The following PAIP2B variants were observed in gnomAD, a reference collection of about 807,000 sequenced individuals.
PAIP2B encodes the protein polyadenylate-binding protein-interacting protein 2B.
PAIP2B carries 13 observed loss-of-function variants against 17.0 expected under a neutral mutation model. The ratio of observed to expected loss-of-function variants is 0.76; its 90% CI spans 0.50 to 1.22. PAIP2B has a LOEUF of 1.22. Ranked by LOEUF, PAIP2B falls within the 50% of genes most tolerant of loss-of-function variation. The pLI, the probability that PAIP2B is intolerant of heterozygous loss-of-function variation, is 0.00. For synonymous variants in PAIP2B, 43 were observed against 48.7 expected (o/e 0.88, Z 0.48); for missense variants, 117 against 144.5 (o/e 0.81, Z 0.98).
intron 2 of PAIP2B, among the ~76,000 whole-genome samples, chr2:71,193,820 G>A (rs1307148780): frequency 6.6e-6 from 1 of 151,616 alleles, no homozygotes; most frequent in Non-Finnish European, 1.5e-5. Context: ...CTGGGCTACA[G>A]AGCAAGACTC....
rs1674478050 is a variant in PAIP2B, at chr2:71,184,379, G to C, written c.*4100C>G. The C allele has an allele frequency of 6.6e-6, 1 of 152,206 alleles. No individual in the cohort carries two copies. The highest frequency in any genetic ancestry group is 2.4e-5 in the African/African-American group (1 of 41,528). The allele number at this position is 152,206 out of a possible 1,614,324, so 9.4% of individuals were successfully genotyped here. On this transcript the variant is annotated 3_prime_UTR_variant, in exon 4 of 4. Transcript: ENST00000244221. ...GTGTATCCAGCTATTCTATTGCCACGATGCCTCTAAAAACCAGACTGACTG... is the reference window on the plus strand; with the variant it reads ...GTGTATCCAGCTATTCTATTGCCACCATGCCTCTAAAAACCAGACTGACTG...
At chr2:71,194,513 C>T (rs1674768859) in intron 2 of PAIP2B, among the ~76,000 whole-genome samples, 2 of 148,268 alleles carry the variant, frequency 1.3e-5, no homozygotes, top group African/African-American at 5.0e-5. Flanking sequence ...AATGGGATTG[C>T]CTTTCTGATT....
At chr2:71,213,157 G>C (rs1340797167) in intron 1 of PAIP2B, among the ~76,000 whole-genome samples, 1 of 152,070 alleles carries the variant, frequency 6.6e-6, no homozygotes, top group Non-Finnish European at 1.5e-5. Flanking sequence ...TTTACGAGCT[G>C]TATAATAAGA....
chr2:71,212,935 T>A (rs942273141), intron 1 of PAIP2B, among the ~76,000 whole-genome samples: 2 of 139,522 alleles, frequency 1.4e-5, no homozygotes, highest in Non-Finnish European at 3.1e-5. Context: ...TTTTTTTTTT[T>A]AGAGAAGGGG....
intron 1 of PAIP2B, among the ~76,000 whole-genome samples, chr2:71,215,121 ACTT>A (rs955132738): frequency 1.3e-5 from 2 of 152,190 alleles, no homozygotes; most frequent in African/African-American, 4.8e-5. Context: ...TGGTCCTTAT[ACTT>A]CTTATTTCAC....
chr2:71,201,929 G>A (rs889199181), intron 2 of PAIP2B, among the ~76,000 whole-genome samples: 5 of 152,152 alleles, frequency 3.3e-5, no homozygotes, highest in Non-Finnish European at 5.9e-5. Flanking sequence ...ACCATGGTTT[G>A]GTACAAGGGT....
chr2:71,190,110 T>C, intron 2 of PAIP2B, 89 bp from the exon 3 acceptor site: 1 of 1,271,062 alleles, frequency 7.9e-7, no homozygotes, highest in East Asian at 2.6e-5. Flanking sequence ...CTTCAGAAGG[T>C]ATTACTCTGC....
At position 71,185,482 on chromosome 2, in the gene PAIP2B, T is replaced by A. The variant is rs1674513239; in HGVS notation, c.*2997A>T. On this transcript the variant is annotated 3_prime_UTR_variant, in exon 4 of 4. Transcript: ENST00000244221. ...ACTCGGGAGGCTAAGATGGGAGGAT[T>A]GCTTGAGCCTAGGAATTTGATGCTG... is the stretch of plus-strand genomic sequence containing the variant. 1 of 151,494 alleles carries A rather than the reference T, an allele frequency of 6.6e-6. No individual in the cohort carries two copies. Among genetic ancestry groups the A allele is most frequent in the Non-Finnish European group, 1.5e-5 (1 of 67,964 alleles). 9.4% of individuals were successfully genotyped at this position (151,494 alleles called of 1,614,324 possible).
chr2:71,188,391 G>GC lies in PAIP2B; in HGVS notation c.*87dup. ...CCTTCCCGCTGTGCACCCCTCGCCC[G>GC]CCCCATCCCCCTCTTCAGCTCCACC... On this transcript the variant is annotated 3_prime_UTR_variant, in exon 4 of 4. Coordinates refer to ENST00000244221, the MANE Select transcript of PAIP2B (RefSeq NM_020459.1). 1 of 655,530 alleles carries GC rather than the reference G, an allele frequency of 1.5e-6. No individual in the cohort carries two copies. The highest frequency in any genetic ancestry group is 2.6e-6 in the Non-Finnish European group (1 of 389,374). The allele number at this position is 655,530 out of a possible 1,614,324, so 40.6% of individuals were successfully genotyped here.
chr2:71,204,778 A>G (rs1177462431), intron 1 of PAIP2B, among the ~76,000 whole-genome samples: 1 of 152,174 alleles, frequency 6.6e-6, no homozygotes, highest in African/African-American at 2.4e-5. Context: ...GTCTGTTCTA[A>G]ATGCCAGGGC....
Position 71,188,458 on chromosome 2 carries a change from C to G in PAIP2B, c.*21G>C. Reference sequence around the variant, plus strand: ...TCCCCAGATGTGGGGACAGACAAGTCTTCCTCAAAGCTTTCTCGGCTCAGT... The same window carrying G: ...TCCCCAGATGTGGGGACAGACAAGTGTTCCTCAAAGCTTTCTCGGCTCAGT... On this transcript the variant is annotated 3_prime_UTR_variant, in exon 4 of 4. Coordinates refer to ENST00000244221, the MANE Select transcript of PAIP2B (RefSeq NM_020459.1). 1 of 1,598,336 alleles carries G rather than the reference C, an allele frequency of 6.3e-7. No individual in the cohort carries two copies. The highest frequency in any genetic ancestry group is 8.5e-7 in the Non-Finnish European group (1 of 1,170,004).
intron 1 of PAIP2B, among the ~76,000 whole-genome samples, chr2:71,221,166 C>T (rs1675570714): frequency 6.6e-6 from 1 of 152,256 alleles, no homozygotes; most frequent in African/African-American, 2.4e-5. Context: ...TCATAGCTAA[C>T]TCAATTGTGA....
chr2:71,218,266 C>A (rs1392016971), intron 1 of PAIP2B, among the ~76,000 whole-genome samples: 1 of 151,498 alleles, frequency 6.6e-6, no homozygotes, highest in Non-Finnish European at 1.5e-5. Flanking sequence ...GTATCCCTAG[C>A]CTATAAAGAA....
intron 1 of PAIP2B, among the ~76,000 whole-genome samples, chr2:71,216,538 AG>A (rs111509442): frequency 0.043 from 6,531 of 152,298 alleles, 180 homozygotes; most frequent in African/African-American, 0.068. Context: ...CAGACCAAAG[AG>A]CTTTCTTCTA....
In PAIP2B at chr2:71,185,934, C is replaced by G. The variant is rs913639133; in HGVS notation, c.*2545G>C. 7 of 152,184 alleles carry G rather than the reference C, an allele frequency of 4.6e-5. No homozygotes were observed. The highest frequency in any genetic ancestry group is 1.7e-4 in the African/African-American group (7 of 41,436). The allele number at this position is 152,184 out of a possible 1,614,324, so 9.4% of individuals were successfully genotyped here. On this transcript the variant is annotated 3_prime_UTR_variant, in exon 4 of 4. Coordinates refer to ENST00000244221, the MANE Select transcript of PAIP2B (RefSeq NM_020459.1). ...ACTAATAAACTAACATTGGGACCAG[C>G]CAGATTGGCAACTGTTAGAAATACA...
At chr2:71,201,172 T>C (rs1484737040) in intron 2 of PAIP2B, among the ~76,000 whole-genome samples, 1 of 152,180 alleles carries the variant, frequency 6.6e-6, no homozygotes, top group Non-Finnish European at 1.5e-5. Flanking sequence ...ATCTGGCTTC[T>C]AATAGCCCTG....
chr2:71,225,432 T>C (rs749951303), intron 1 of PAIP2B, among the ~76,000 whole-genome samples: 55 of 152,322 alleles, frequency 3.6e-4, no homozygotes, highest in Middle Eastern at 3.4e-3. Flanking sequence ...GAACATGATG[T>C]TAAACTCATA....
intron 2 of PAIP2B, among the ~76,000 whole-genome samples, chr2:71,191,397 C>T (rs1181051250): frequency 6.6e-6 from 1 of 152,198 alleles, no homozygotes; most frequent in African/African-American, 2.4e-5. Flanking sequence ...GAGAGCATAA[C>T]AGCATGCTAG....
intron 1 of PAIP2B, among the ~76,000 whole-genome samples, chr2:71,211,087 A>G (rs1004024110): frequency 6.6e-6 from 1 of 152,122 alleles, no homozygotes; most frequent in Non-Finnish European, 1.5e-5. Flanking sequence ...TCTCTACTAA[A>G]AATACAAAAA....
Sources: gnomAD v4.1 joint callset for allele counts (sites outside exome capture counted in the v4.1 genomes callset) on GRCh38, gnomAD v4.1.1 for gene constraint, MANE v1.5 for transcripts, NCBI Gene and HGNC (gene_info 2026-07-23, HGNC 2026-07-21) for gene names.